Variants in TOP1 observed in about 807,000 individuals in gnomAD.
TOP1 encodes DNA topoisomerase 1.
In TOP1, 10 loss-of-function variants were observed where a neutral mutation model predicts 111.1. That is an observed-to-expected ratio of 0.09 (90% CI 0.06 to 0.15). The LOEUF is 0.15. TOP1 is among the 10% of genes least tolerant of loss of function. TOP1 has a pLI of 1.00. For missense variants in TOP1, 474 were observed against 926.7 expected (o/e 0.51, Z 6.34); for synonymous variants, 271 against 302.9 (o/e 0.89, Z 1.10).
rs758392367 is a variant in TOP1 at position 41,114,086 on chromosome 20, T to C, written c.1569T>C (p.Tyr523=). The C allele has an allele frequency of 6.2e-7, 1 of 1,614,162 alleles. No individual in the cohort carries two copies. The highest frequency in any genetic ancestry group is 8.5e-7 in the Non-Finnish European group (1 of 1,180,010). The change falls in exon 15 of 21, where the codon TAT becomes TAC. Residue 523 remains tyrosine (Y), a synonymous_variant. Transcript: ENST00000361337. The surrounding 1 kb of genome is among the most constrained non-coding windows in gnomAD (Gnocchi z 4.5). The part of the protein sequence containing the change: ...NLHPELDGQE[Y]VVEFDFLGKD... ...ACCCAGAGTTGGATGGTCAGGAATA[T>C]GTGGTAGAGTTTGACTTCCTCGGGA...
chr20:41,099,028 C>T (rs959761216), intron 11 of TOP1, among the ~76,000 whole-genome samples: 2 of 152,226 alleles, frequency 1.3e-5, no homozygotes, highest in African/African-American at 4.8e-5. Context: ...TAAAGGAATC[C>T]AGGCTAGAAT....
Position 41,032,272 on chromosome 20 carries a change from C to T in TOP1, c.58+2817C>T, listed in dbSNP as rs543681313. On this transcript the variant is annotated intron_variant, in intron 2 of 20. Coordinates refer to ENST00000361337, the MANE Select transcript of TOP1 (RefSeq NM_003286.4). The surrounding 1 kb of genome is among the most constrained non-coding windows in gnomAD (Gnocchi z 4.3). ...TCCCCCCACTTTGGAGCTCATTCTTCGCAATATTTAAAATTGTAGCTCTTT... is the reference window on the plus strand; with the variant it reads ...TCCCCCCACTTTGGAGCTCATTCTTTGCAATATTTAAAATTGTAGCTCTTT... Among the ~76,000 whole-genome samples, 29 of 151,894 alleles carry T rather than the reference C, an allele frequency of 1.9e-4. No homozygotes were observed. Among genetic ancestry groups the T allele is most frequent in the South Asian group, 6.2e-4 (3 of 4,804 alleles).
chr20:41,088,501 T>C (rs1186535334), intron 8 of TOP1, among the ~76,000 whole-genome samples: 1 of 152,048 alleles, frequency 6.6e-6, no homozygotes, highest in Non-Finnish European at 1.5e-5. Context: ...AGACTCTGTC[T>C]CAAAAAATAA....
chr20:41,099,961 C>A, intron 11 of TOP1, 95 bp from the exon 12 acceptor site: 1 of 795,420 alleles, frequency 1.3e-6, no homozygotes, highest in Non-Finnish European at 1.9e-6. Flanking sequence ...TTCAGACTTT[C>A]CTCTACCTTG....
intron 2 of TOP1, among the ~76,000 whole-genome samples, chr20:41,033,726 A>G (rs1221165480): frequency 6.6e-6 from 1 of 152,212 alleles, no homozygotes. Context: ...TTGGACATGA[A>G]TGCATATTTA....
At chr20:41,053,203 T>G (rs2033427564) in intron 2 of TOP1, among the ~76,000 whole-genome samples, 1 of 152,226 alleles carries the variant, frequency 6.6e-6, no homozygotes, top group Non-Finnish European at 1.5e-5. Flanking sequence ...CATTTCTTGC[T>G]GCAGCGTAGC....
intron 8 of TOP1, among the ~76,000 whole-genome samples, chr20:41,088,612 A>G (rs902190673): frequency 4.6e-5 from 7 of 152,154 alleles, no homozygotes; most frequent in Admixed American, 2.6e-4. Flanking sequence ...TTACTCTGTG[A>G]CTGCTGCAGA....
At chr20:41,052,317 G>A (rs536589189) in intron 2 of TOP1, among the ~76,000 whole-genome samples, 14 of 152,316 alleles carry the variant, frequency 9.2e-5, no homozygotes, top group Admixed American at 2.0e-4. Flanking sequence ...TTAGGGTTTG[G>A]TCATGGTCTT....
intron 2 of TOP1, among the ~76,000 whole-genome samples, chr20:41,035,684 T>G (rs1445638915): frequency 1.3e-5 from 2 of 152,234 alleles, no homozygotes; most frequent in Non-Finnish European, 2.9e-5. Context: ...CTAGGACTTT[T>G]CTTGGCTATT....
At chr20:41,035,698 G>A (rs546740848) in intron 2 of TOP1, among the ~76,000 whole-genome samples, 32 of 152,250 alleles carry the variant, frequency 2.1e-4, no homozygotes, top group Middle Eastern at 6.8e-3. Flanking sequence ...GGCTATTGGA[G>A]TTTATAGAAA....
rs6102275 is a variant in TOP1 at position 41,095,044 on chromosome 20, A to T, written c.731-2176A>T. Among the ~76,000 whole-genome samples, 8,028 of 151,422 alleles carry T rather than the reference A, an allele frequency of 0.053. 707 individuals are homozygous for T. The highest frequency in any genetic ancestry group is 0.19 in the African/African-American group (7,679 of 40,958). ...AACAGCCCAAAATCTCATTTTTTTT[A>T]AATTTATTTTTATATTTATTTATTT... is the stretch of plus-strand genomic sequence containing the variant. On this transcript the variant is annotated intron_variant, in intron 9 of 20. Coordinates refer to ENST00000361337, the MANE Select transcript of TOP1 (RefSeq NM_003286.4). The surrounding 1 kb of genome is among the most constrained non-coding windows in gnomAD (Gnocchi z 4.6).
At chr20:41,088,559 T>A (rs2033875798) in intron 8 of TOP1, among the ~76,000 whole-genome samples, 1 of 152,084 alleles carries the variant, frequency 6.6e-6, no homozygotes, top group East Asian at 1.9e-4. Context: ...GGTGCCAAAG[T>A]CCCAGGATAA....
chr20:41,123,056 G>C lies in TOP1; in HGVS notation c.2196-139G>C. 1 of 616,212 alleles carries C rather than the reference G, an allele frequency of 1.6e-6. No individual in the cohort carries two copies. The highest frequency in any genetic ancestry group is 2.9e-6 in the Non-Finnish European group (1 of 341,278). The allele number at this position is 616,212 out of a possible 1,614,324, so 38.2% of individuals were successfully genotyped here. On this transcript the variant is annotated intron_variant, in intron 20 of 20. Coordinates refer to ENST00000361337, the MANE Select transcript of TOP1 (RefSeq NM_003286.4). The surrounding 1 kb of genome is among the most constrained non-coding windows in gnomAD (Gnocchi z 5.8). ...ATGAGTTGATCACATAAAACCTTTA[G>C]AACATGCTTGGTGCACTATTAATTT...
Position 41,081,187 on chromosome 20 carries a change from A to G in TOP1, c.454A>G (p.Ile152Val). 1 of 1,601,316 alleles carries G rather than the reference A, an allele frequency of 6.2e-7. No individual in the cohort carries two copies. The highest frequency in any genetic ancestry group is 8.5e-7 in the Non-Finnish European group (1 of 1,170,878). Reference sequence around the variant, plus strand: ...TAGTGCTGATTATAAACCTAAGAAAATTAAAACAGAAGATACCAAGAAGGA... The same window carrying G: ...TAGTGCTGATTATAAACCTAAGAAAGTTAAAACAGAAGATACCAAGAAGGA... Reference protein sequence around the residue: ...EDDADYKPKKIKTEDTKKEKK... With the variant: ...EDDADYKPKKVKTEDTKKEKK... The change falls in exon 7 of 21, where the codon ATT (isoleucine) becomes GTT (valine). Residue 152 changes from isoleucine to valine, a missense_variant. Ile to Val is a conservative substitution (Grantham distance 29). Coordinates refer to ENST00000361337, the MANE Select transcript of TOP1 (RefSeq NM_003286.4).
At position 41,121,479 on chromosome 20, in the gene TOP1, A is replaced by T. The variant is rs2034421780; in HGVS notation, c.1951-217A>T. Among the ~76,000 whole-genome samples the T allele has an allele frequency of 6.6e-6, 1 of 152,118 alleles. No individual in the cohort carries two copies. The highest frequency in any genetic ancestry group is 2.4e-5 in the African/African-American group (1 of 41,422). ...GAGCCCCTAGGTTACTGCCCTGTAA[A>T]ACCCTTGTTTCTTTCCAGATCACTG... On this transcript the variant is annotated intron_variant, in intron 18 of 20. Coordinates refer to ENST00000361337, the MANE Select transcript of TOP1 (RefSeq NM_003286.4). This position sits in a 1 kb window ranked among gnomAD's most constrained non-coding sequence, Gnocchi z 4.2.
In TOP1 at chr20:41,079,252, T is replaced by C. The variant is rs566517602; in HGVS notation, c.336-833T>C. On this transcript the variant is annotated intron_variant, in intron 5 of 20. Transcript: ENST00000361337. This position sits in a 1 kb window ranked among gnomAD's most constrained non-coding sequence, Gnocchi z 4.0. ...GGGGCAGCTGCATGTAAGGAGGCCA[T>C]TTCTTGTACTAAGTTAAGGCAGTGA... 4.6e-5 allele frequency among the ~76,000 whole-genome samples: 7 copies of C among 152,300 alleles called. No individual in the cohort carries two copies. In the South Asian group the frequency reaches 1.2e-3, roughly 27 times the overall value.
Position 41,116,328 on chromosome 20 carries a change from C to G in TOP1, c.1758C>G (p.Ala586=), listed in dbSNP as rs779117084. The G allele has an allele frequency of 2.2e-5, 36 of 1,613,458 alleles. No individual in the cohort carries two copies. Among genetic ancestry groups the G allele is most frequent in the Non-Finnish European group, 3.0e-5 (35 of 1,180,024 alleles). Residue 586 remains alanine (A), a synonymous_variant, in exon 17 of 21, where the codon GCC becomes GCG. Coordinates refer to ENST00000361337, the MANE Select transcript of TOP1 (RefSeq NM_003286.4). The surrounding 1 kb of genome is among the most constrained non-coding windows in gnomAD (Gnocchi z 5.6). ...HLQDLMEGLT[A]KVFRTYNASI... ...AGGATCTCATGGAGGGCTTGACAGC[C>G]AAGGTATTCCGTACATACAATGCCT...
At position 41,100,756 on chromosome 20, in the gene TOP1, C is replaced by G. The variant is rs1397324533; in HGVS notation, c.1164-453C>G. 1 of 163,736 alleles carries G rather than the reference C, an allele frequency of 6.1e-6. No homozygotes were observed. The highest frequency in any genetic ancestry group is 2.4e-5 in the African/African-American group (1 of 41,686). The allele number at this position is 163,736 out of a possible 1,614,324, so 10.1% of individuals were successfully genotyped here. A position where few individuals can be genotyped will look rare whatever the true frequency, so the allele number is the denominator to read the frequency against. On this transcript the variant is annotated intron_variant, in intron 12 of 20. Coordinates refer to ENST00000361337, the MANE Select transcript of TOP1 (RefSeq NM_003286.4). This position sits in a 1 kb window ranked among gnomAD's most constrained non-coding sequence, Gnocchi z 4.4. ...TCTGTGCAGCTTCTGTATGGCATAT[C>G]CAAATTGCCAACATCACCACTTTCA...
chr20:41,049,348 A>C (rs191918609), intron 2 of TOP1, among the ~76,000 whole-genome samples: 45 of 152,276 alleles, frequency 3.0e-4, no homozygotes, highest in African/African-American at 1.0e-3. Flanking sequence ...TCTTTGAGCA[A>C]CTCTGAGTCT....
Sources: allele counts gnomAD v4.1 joint callset (sites outside exome capture counted in the v4.1 genomes callset), GRCh38; gene constraint gnomAD v4.1.1; non-coding constraint Gnocchi (gnomAD v3.1); transcripts MANE v1.5; gene names NCBI Gene and HGNC (gene_info 2026-07-23, HGNC 2026-07-21).